Variants in DENND10 observed in about 807,000 individuals in gnomAD.
DENND10 encodes the protein DENN domain-containing protein 10.
A neutral mutation model predicts 43.6 loss-of-function variants in DENND10; 24 were observed. The observed-to-expected ratio is 0.55, with a 90% CI of 0.40 to 0.77. The LOEUF (loss-of-function observed/expected upper bound fraction) is 0.77, where lower values mean the gene tolerates loss of function less well. Among genes scored for constraint, DENND10 ranks in the 30% least tolerant of loss-of-function variants. The probability of loss-of-function intolerance (pLI) is 0.00; values close to 1 mark genes in which losing one functional copy is unlikely to be tolerated. For missense variants in DENND10, 303 were observed against 429.9 expected, an observed-to-expected ratio of 0.70 and a Z score of 2.61; for synonymous variants, 125 against 157.6, an observed-to-expected ratio of 0.79 and a Z score of 1.55.
chr10:119,121,210 A>G (rs1360474223), intron 5 of DENND10, among the ~76,000 whole-genome samples: 1 of 151,978 alleles, frequency 6.6e-6, no homozygotes, highest in Non-Finnish European at 1.5e-5. Context: ...CCCCTCTAAC[A>G]GCTCCCCCAC....
intron 6 of DENND10, among the ~76,000 whole-genome samples, chr10:119,128,639 T>A (rs904605441): frequency 6.6e-6 from 1 of 151,714 alleles, no homozygotes; most frequent in African/African-American, 2.4e-5. Flanking sequence ...AGACTATAAT[T>A]TATAAAGAAA....
chr10:119,121,484 G>A (rs12355534), intron 5 of DENND10, among the ~76,000 whole-genome samples: 75,551 of 133,850 alleles, frequency 0.56, 21,422 homozygotes, highest in Middle Eastern at 0.68. Flanking sequence ...AGAATCTCTC[G>A]CTTTGTCACC....
chr10:119,114,757 A>C (rs891032855), intron 3 of DENND10: 2 of 145,960 alleles, frequency 1.4e-5, no homozygotes, highest in African/African-American at 2.5e-5. Flanking sequence ...ATTACTGTGT[A>C]TTGTTTCTAT....
At chr10:119,111,229 C>T (rs571145884) in intron 2 of DENND10, among the ~76,000 whole-genome samples, 127 of 144,516 alleles carry the variant, frequency 8.8e-4, no homozygotes, top group Non-Finnish European at 1.7e-3. Context: ...GATTACACCA[C>T]TGCACTCCAG....
intron 6 of DENND10, among the ~76,000 whole-genome samples, chr10:119,127,229 C>A (rs1252382723): frequency 1.3e-5 from 2 of 151,942 alleles, no homozygotes; most frequent in Non-Finnish European, 2.9e-5. Flanking sequence ...TTTTTTATTT[C>A]CCAGTGAAGT....
chr10:119,114,502 T>G (rs1353757378), intron 3 of DENND10: 2 of 152,262 alleles, frequency 1.3e-5, no homozygotes, highest in African/African-American at 4.8e-5. Context: ...CTTCAGCCTC[T>G]AGTCGCTTGC....
At chr10:119,122,878 A>G (rs1174706855) in intron 5 of DENND10, among the ~76,000 whole-genome samples, 1 of 152,038 alleles carries the variant, frequency 6.6e-6, no homozygotes, top group Non-Finnish European at 1.5e-5. Context: ...TCAGAGGAAA[A>G]CCTTAGAAGC....
At position 119,132,349 on chromosome 10, in the gene DENND10, C is replaced by T. The variant is rs78695251; in HGVS notation, c.803-166C>T. ...TAAATCACGATTATATTATGCCTTTCCTCCCAGCATGTTGTCATATTTGTG... is the reference window on the plus strand; with the variant it reads ...TAAATCACGATTATATTATGCCTTTTCTCCCAGCATGTTGTCATATTTGTG... On this transcript the variant is annotated intron_variant, in intron 7 of 8. Coordinates refer to ENST00000361432, the MANE Select transcript of DENND10 (RefSeq NM_207009.4). This position sits in a 1 kb window ranked among gnomAD's most constrained non-coding sequence, Gnocchi z 4.2. 9.3e-3 allele frequency among the ~76,000 whole-genome samples: 1,412 copies of T among 152,238 alleles called. 20 individuals carry two copies. The highest frequency in any genetic ancestry group is 0.032 in the African/African-American group (1,325 of 41,530).
chr10:119,128,848 C>T (rs946322483), intron 6 of DENND10, among the ~76,000 whole-genome samples: 9 of 152,008 alleles, frequency 5.9e-5, no homozygotes, highest in African/African-American at 1.7e-4. Flanking sequence ...AACTCAATCA[C>T]GAGAACCACA....
chr10:119,121,155 C>T (rs1038212186), intron 5 of DENND10, among the ~76,000 whole-genome samples: 7 of 151,706 alleles, frequency 4.6e-5, no homozygotes, highest in African/African-American at 1.7e-4. Context: ...AATTTTTTTG[C>T]CAGGAGGGTC....
rs1845347927 is a variant in DENND10, at chr10:119,117,507, C to T, written c.333-12C>T. On this transcript the variant is annotated splice_polypyrimidine_tract_variant and intron_variant, in intron 3 of 8. Transcript: ENST00000361432. ...AATGAAATCACAGTTGCTTTGTTGTCCTTTCTTACAGAATGTACCTGAAAC... is the reference window on the plus strand; with the variant it reads ...AATGAAATCACAGTTGCTTTGTTGTTCTTTCTTACAGAATGTACCTGAAAC... The T allele has an allele frequency of 1.2e-6, 2 of 1,610,228 alleles. No individual in the cohort carries two copies. The highest frequency in any genetic ancestry group is 1.7e-5 in the Admixed American group (1 of 59,568).
chr10:119,124,210 TGTG>T (rs1845719131), intron 6 of DENND10, among the ~76,000 whole-genome samples: 1 of 149,104 alleles, frequency 6.7e-6, no homozygotes, highest in Non-Finnish European at 1.5e-5. Flanking sequence ...AAAAAAAAAT[TGTG>T]GTAAAATGCA....
intron 8 of DENND10, among the ~76,000 whole-genome samples, chr10:119,135,804 A>AAAAAAAAAAAAAC: frequency 2.7e-5 from 4 of 149,762 alleles, no homozygotes; most frequent in South Asian, 2.1e-4. Context: ...AAAAAAAAAA[A>AAAAAAAAAAAAAC]AAAAAAAAAA....
intron 5 of DENND10, among the ~76,000 whole-genome samples, chr10:119,122,091 G>A (rs1433391138): frequency 6.6e-6 from 1 of 152,090 alleles, no homozygotes; most frequent in African/African-American, 2.4e-5. Flanking sequence ...CAGATTGCCT[G>A]AGACCAGAAG....
chr10:119,129,488 G>A, intron 6 of DENND10, 27 bp from the exon 7 acceptor site: 2 of 1,497,892 alleles, frequency 1.3e-6, no homozygotes, highest in South Asian at 1.1e-5. Context: ...TCCTACTCCA[G>A]TAAGGTTGCT....
rs755248018 is a variant in DENND10 at position 119,108,194 on chromosome 10, C to G, written c.252+30C>G. On this transcript the variant is annotated intron_variant, in intron 2 of 8. Coordinates refer to ENST00000361432, the MANE Select transcript of DENND10 (RefSeq NM_207009.4). Reference sequence around the variant, plus strand: ...GATTGCGTGAAGGTAAAAAAAAAACCCCAAAATAGGCTGGGCGCGGTGGCT... The same window carrying G: ...GATTGCGTGAAGGTAAAAAAAAAACGCCAAAATAGGCTGGGCGCGGTGGCT... 5 of 1,527,368 alleles carry G rather than the reference C, an allele frequency of 3.3e-6. No individual in the cohort carries two copies. In the South Asian group the frequency reaches 5.8e-5, roughly 18 times the overall value. 94.6% of individuals were successfully genotyped at this position (1,527,368 alleles called of 1,614,324 possible). A position where few individuals can be genotyped will look rare whatever the true frequency, so the allele number is the denominator to read the frequency against.
At chr10:119,105,636 A>G (rs1348590242) in intron 1 of DENND10, 2 of 418,796 alleles carry the variant, frequency 4.8e-6, no homozygotes, top group African/African-American at 4.3e-5. Flanking sequence ...TAAAAAGATG[A>G]CATATGATCA....
At chr10:119,130,286 G>A (rs983503616) in intron 7 of DENND10, among the ~76,000 whole-genome samples, 13 of 152,084 alleles carry the variant, frequency 8.5e-5, no homozygotes, top group African/African-American at 1.7e-4. Context: ...TCAGCTTCCC[G>A]AGTAGCTGGG....
chr10:119,117,586 A>T lies in DENND10; in HGVS notation c.400A>T (p.Ile134Leu). ...ESYIAVLTKG[I>L]CQSEENGSFL... Reference sequence around the variant, plus strand: ...TTATATTGCAGTTCTCACAAAGGGGATATGCCAGAGTGAAGAAAACGGCTC... The same window carrying T: ...TTATATTGCAGTTCTCACAAAGGGGTTATGCCAGAGTGAAGAAAACGGCTC... Residue 134 changes from isoleucine to leucine, a missense_variant, in exon 4 of 9, where the codon ATA (isoleucine) becomes TTA (leucine). Physicochemically the swap from Ile to Leu is conservative, Grantham distance 5. Coordinates refer to ENST00000361432, the MANE Select transcript of DENND10 (RefSeq NM_207009.4). 3 of 1,614,022 alleles carry T rather than the reference A, an allele frequency of 1.9e-6. No homozygotes were observed. Among genetic ancestry groups the T allele is most frequent in the Non-Finnish European group, 2.5e-6 (3 of 1,179,916 alleles).
Sources: gnomAD v4.1 joint callset for allele counts (sites outside exome capture counted in the v4.1 genomes callset) on GRCh38, gnomAD v4.1.1 for gene constraint, Gnocchi (gnomAD v3.1) non-coding constraint, MANE v1.5 for transcripts, NCBI Gene and HGNC (gene_info 2026-07-23, HGNC 2026-07-21) for gene names.